The following KSR1 variants were observed in gnomAD, a reference collection of about 807,000 sequenced individuals.
KSR1 encodes the protein kinase suppressor of ras 1, also known as kinase suppressor of ras.
In KSR1, 35 loss-of-function variants were observed where a neutral mutation model predicts 92.9. The ratio of observed to expected loss-of-function variants is 0.38; its 90% CI spans 0.29 to 0.50. The LOEUF (loss-of-function observed/expected upper bound fraction) is 0.50. Ranked by LOEUF, KSR1 falls within the 20% of genes least tolerant of loss-of-function variation. The probability of loss-of-function intolerance (pLI) is 0.94; values close to 1 mark genes in which losing one functional copy is unlikely to be tolerated. For synonymous variants in KSR1, 467 were observed against 472.6 expected, an observed-to-expected ratio of 0.99 and a Z score of 0.15; for missense variants, 972 against 1,158.5, an observed-to-expected ratio of 0.84 and a Z score of 2.34.
Position 27,546,659 on chromosome 17 carries a change from G to A in KSR1, c.232-3909G>A, listed in dbSNP as rs189140089. Among the ~76,000 whole-genome samples, 8 of 152,300 alleles carry A rather than the reference G, an allele frequency of 5.3e-5. No homozygotes were observed. In the East Asian group the frequency reaches 1.5e-3, roughly 29 times the overall value. ...GGTGAGTGCGTGCCTGGTGGGCAGG[G>A]CCAGGGGCTATGGAACGGAGCTGGG... is the stretch of plus-strand genomic sequence containing the variant. On this transcript the variant is annotated intron_variant, in intron 1 of 20. Transcript: ENST00000644974.
intron 3 of KSR1, among the ~76,000 whole-genome samples, chr17:27,580,492 T>A (rs1452335642): frequency 2.0e-5 from 3 of 152,200 alleles, no homozygotes; most frequent in Non-Finnish European, 4.4e-5. Flanking sequence ...CCACCTCTGA[T>A]GGAGCTTGTT....
chr17:27,464,248 C>G (rs561950918), intron 1 of KSR1, among the ~76,000 whole-genome samples: 1 of 152,104 alleles, frequency 6.6e-6, no homozygotes, highest in Non-Finnish European at 1.5e-5. Flanking sequence ...ATTCTTGGAG[C>G]GCCATCTGGG....
chr17:27,548,103 A>C (rs545726869), intron 1 of KSR1, among the ~76,000 whole-genome samples: 49 of 149,524 alleles, frequency 3.3e-4, no homozygotes, highest in Non-Finnish European at 6.4e-4. Flanking sequence ...TACATTTCAA[A>C]GTATTGTTCT....
chr17:27,500,859 C>G (rs527437970), intron 1 of KSR1, among the ~76,000 whole-genome samples: 1 of 152,288 alleles, frequency 6.6e-6, no homozygotes, highest in African/African-American at 2.4e-5. Context: ...GGCCTTGCAC[C>G]AGCCCCTTTA....
At chr17:27,583,158 C>A in intron 4 of KSR1, 53 bp downstream of exon 4, 2 of 1,252,828 alleles carry the variant, frequency 1.6e-6, no homozygotes, top group Non-Finnish European at 2.2e-6. Context: ...GTTTTCTAAT[C>A]ATAAAGATAT....
chr17:27,492,087 G>A (rs1472337219), intron 1 of KSR1, among the ~76,000 whole-genome samples: 1 of 152,176 alleles, frequency 6.6e-6, no homozygotes, highest in African/African-American at 2.4e-5. Flanking sequence ...GGAGACAGAC[G>A]GTACTGACAA....
At chr17:27,597,224 G>T (rs926030494) in intron 9 of KSR1, 44 bp from the exon 10 acceptor site, 2 of 1,546,622 alleles carry the variant, frequency 1.3e-6, no homozygotes. Flanking sequence ...GAGGCAGGTG[G>T]GGCCAGGACA....
chr17:27,461,279 C>T (rs1198468718), intron 1 of KSR1, among the ~76,000 whole-genome samples: 1 of 152,094 alleles, frequency 6.6e-6, no homozygotes, highest in Non-Finnish European at 1.5e-5. Context: ...TAGGGTTTTG[C>T]CGTGTTGGCC....
chr17:27,498,578 C>G (rs1389485180), intron 1 of KSR1, among the ~76,000 whole-genome samples: 1 of 152,146 alleles, frequency 6.6e-6, no homozygotes, highest in East Asian at 1.9e-4. Context: ...GAGGACCCAC[C>G]CTGCTGCACC....
intron 2 of KSR1, among the ~76,000 whole-genome samples, chr17:27,556,676 G>C (rs571109454): frequency 2.0e-5 from 3 of 152,180 alleles, no homozygotes; most frequent in African/African-American, 4.8e-5. Context: ...AAGAAATTGC[G>C]TAGGGCCATG....
chr17:27,597,573 C>G (rs545874403), intron 10 of KSR1, 137 bp downstream of exon 10: 2 of 896,114 alleles, frequency 2.2e-6, no homozygotes, highest in Non-Finnish European at 3.3e-6. Flanking sequence ...TGTCCGGCGC[C>G]CCAAGCACAA....
chr17:27,560,397 G>T (rs750767872), intron 2 of KSR1: 7 of 519,014 alleles, frequency 1.3e-5, no homozygotes, highest in South Asian at 8.4e-5. Flanking sequence ...AAAGCCACAG[G>T]TTCCCCTGAA....
intron 19 of KSR1, 80 bp downstream of exon 19, chr17:27,617,508 C>A (rs2074096990): frequency 6.7e-7 from 1 of 1,501,114 alleles, no homozygotes; most frequent in Non-Finnish European, 9.0e-7. Flanking sequence ...ACCTTCTGAT[C>A]TTTCTGCCCA....
chr17:27,544,857 G>C (rs1284206034), intron 1 of KSR1, among the ~76,000 whole-genome samples: 2 of 152,246 alleles, frequency 1.3e-5, no homozygotes, highest in African/African-American at 2.4e-5. Context: ...TGGCGCTTCT[G>C]TGACTGCAAC....
In KSR1 at chr17:27,459,831, C is replaced by T. The variant is rs2019347075; in HGVS notation, c.231+2957C>T. On this transcript the variant is annotated intron_variant, in intron 1 of 20. Transcript: ENST00000644974. The surrounding 1 kb of genome is among the most constrained non-coding windows in gnomAD (Gnocchi z 4.6). ...TGGGTTGTGATGGGGTGTAGTGGGTCAGCGTGTCTGGTTGTCCGGGGATAG... is the reference window on the plus strand; with the variant it reads ...TGGGTTGTGATGGGGTGTAGTGGGTTAGCGTGTCTGGTTGTCCGGGGATAG... Among the ~76,000 whole-genome samples, 1 of 152,252 alleles carries T rather than the reference C, an allele frequency of 6.6e-6. No homozygotes were observed. The highest frequency in any genetic ancestry group is 2.1e-4 in the South Asian group (1 of 4,820).
chr17:27,558,774 GTGC>G (rs2071709644), intron 2 of KSR1, among the ~76,000 whole-genome samples: 1 of 150,720 alleles, frequency 6.6e-6, no homozygotes, highest in African/African-American at 2.4e-5. Context: ...TAACCTGATA[GTGC>G]TGAAGGACCC....
At chr17:27,520,649 C>G (rs1192461235) in intron 1 of KSR1, among the ~76,000 whole-genome samples, 1 of 152,244 alleles carries the variant, frequency 6.6e-6, no homozygotes, top group African/African-American at 2.4e-5. Flanking sequence ...TTCTTCTGCC[C>G]CTTTGTCCGG....
chr17:27,623,466 C>A lies in KSR1; in HGVS notation c.*74C>A. ...TTCTGAAACATCCCAACAACCACCA[C>A]GACAAAAAAACACTGCCTGCCCAGC... On this transcript the variant is annotated 3_prime_UTR_variant, in exon 21 of 21. Coordinates refer to ENST00000644974, the MANE Select transcript of KSR1 (RefSeq NM_001394583.1). 2 of 707,526 alleles carry A rather than the reference C, an allele frequency of 2.8e-6. No individual in the cohort carries two copies. The highest frequency in any genetic ancestry group is 4.0e-5 in the Admixed American group (2 of 49,690). 43.8% of individuals were successfully genotyped at this position (707,526 alleles called of 1,614,324 possible).
intron 1 of KSR1, among the ~76,000 whole-genome samples, chr17:27,508,720 T>TATTG (rs2069488215): frequency 6.7e-6 from 1 of 149,432 alleles, no homozygotes; most frequent in African/African-American, 2.5e-5. Flanking sequence ...TTTATTTATT[T>TATTG]ATTTATTTAT....
Sources: gnomAD v4.1 joint callset for allele counts (sites outside exome capture counted in the v4.1 genomes callset) on GRCh38, gnomAD v4.1.1 for gene constraint, Gnocchi (gnomAD v3.1) non-coding constraint, MANE v1.5 for transcripts, NCBI Gene and HGNC (gene_info 2026-07-23, HGNC 2026-07-21) for gene names.